Variants in UCHL1 observed in about 807,000 individuals in gnomAD.
The protein encoded by UCHL1 is ubiquitin C-terminal hydrolase L1.
A neutral mutation model predicts 33.3 loss-of-function variants in UCHL1; 5 were observed. The observed-to-expected ratio is 0.15, with a 90% CI of 0.08 to 0.32. The LOEUF is 0.32. Among genes scored for constraint, UCHL1 ranks in the 10% least tolerant of loss-of-function variants. UCHL1 has a pLI of 1.00. For synonymous variants in UCHL1, 132 were observed against 108.8 expected (o/e 1.21, Z -1.33); for missense variants, 236 against 280.0 (o/e 0.84, Z 1.12).
intron 8 of UCHL1, 148 bp from the exon 9 acceptor site, chr4:41,267,839 T>A: frequency 1.4e-6 from 1 of 726,348 alleles, no homozygotes; most frequent in Non-Finnish European, 2.4e-6. Flanking sequence ...CCTGATTTTT[T>A]GCTTTAAGCC....
At chr4:41,263,149 C>T (rs1781099983) in intron 6 of UCHL1, 76 bp from the exon 7 acceptor site, 1 of 1,142,266 alleles carries the variant, frequency 8.8e-7, no homozygotes, top group Admixed American at 1.7e-5. Context: ...AGTTCAAGCA[C>T]ATTTCACTTG....
At chr4:41,257,303 A>C in intron 2 of UCHL1, 177 bp downstream of exon 2, 1 of 1,122,202 alleles carries the variant, frequency 8.9e-7, no homozygotes, top group Non-Finnish European at 1.2e-6. Flanking sequence ...GGGTGACTCT[A>C]CGAAACCGGT....
In UCHL1 at chr4:41,260,652, G is replaced by C. The variant is rs762527925; in HGVS notation, c.180G>C (p.Glu60Asp). 6.2e-7 allele frequency: 1 copy of C among 1,614,218 alleles called. No homozygotes were observed. Among genetic ancestry groups the C allele is most frequent in the Non-Finnish European group, 8.5e-7 (1 of 1,180,048 alleles). ...LLLFPLTAQH[E>D]NFRKKQIEEL... Reference sequence around the variant, plus strand: ...AACGCTTTTTACATTCGCAGCATGAGAACTTCAGGAAAAAGCAGATTGAAG... The same window carrying C: ...AACGCTTTTTACATTCGCAGCATGACAACTTCAGGAAAAAGCAGATTGAAG... Residue 60 changes from glutamate (E) to aspartate (D), a missense_variant, in exon 4 of 9, where the codon GAG (glutamate) becomes GAC (aspartate). By Grantham distance (45) the Glu-to-Asp change is conservative. Coordinates refer to ENST00000284440, the MANE Select transcript of UCHL1 (RefSeq NM_004181.5).
rs1425440716 is a variant in UCHL1 at position 41,257,451 on chromosome 4, A to G, written c.46-158A>G. On this transcript the variant is annotated intron_variant, in intron 2 of 8. Coordinates refer to ENST00000284440, the MANE Select transcript of UCHL1 (RefSeq NM_004181.5). ...TGTGGGCCGCGCTTTGTGCTGTGTC[A>G]TTGCGCCGGCCCGGGTGGGGGTGGC... 18 of 1,085,628 alleles carry G rather than the reference A, an allele frequency of 1.7e-5. No individual in the cohort carries two copies. In the Admixed American group the frequency reaches 6.0e-4, roughly 36 times the overall value. 67.2% of individuals were successfully genotyped at this position (1,085,628 alleles called of 1,614,324 possible). A position where few individuals can be genotyped will look rare whatever the true frequency, so the allele number is the denominator to read the frequency against.
chr4:41,260,938 C>A, intron 4 of UCHL1, 141 bp downstream of exon 4: 1 of 1,247,604 alleles, frequency 8.0e-7, no homozygotes, highest in Non-Finnish European at 1.2e-6. Flanking sequence ...TAATCTGACT[C>A]ACAGTCCTCC....
Position 41,257,632 on chromosome 4 carries a change from C to G in UCHL1, c.69C>G (p.Ala23=). ...AGGTGCTGTCCCGGCTGGGGGTCGC[C>G]GGCCAGTGGCGCTTCGTGGACGTGC... The part of the protein sequence containing the change: ...LNKVLSRLGV[A]GQWRFVDVLG... Residue 23 remains alanine, a synonymous_variant, in exon 3 of 9, where the codon GCC becomes GCG. Coordinates refer to ENST00000284440, the MANE Select transcript of UCHL1 (RefSeq NM_004181.5). 6.4e-7 allele frequency: 1 copy of G among 1,556,868 alleles called. No individual in the cohort carries two copies. Among genetic ancestry groups the G allele is most frequent in the African/African-American group, 1.4e-5 (1 of 73,380 alleles).
rs1165650872 is a variant in UCHL1 at position 41,256,973 on chromosome 4, G to T, written c.-4G>T. 6.2e-7 allele frequency: 1 copy of T among 1,614,168 alleles called. No homozygotes were observed. Among genetic ancestry groups the T allele is most frequent in the South Asian group, 1.1e-5 (1 of 91,082 alleles). The stretch of plus-strand genomic sequence containing the variant: ...AGGCTATTTCTGCCGGGCGCTCCGC[G>T]AAGATGCAGCTCAAGCCGATGGAGA... On this transcript the variant is annotated 5_prime_UTR_variant, in exon 1 of 9. Coordinates refer to ENST00000284440, the MANE Select transcript of UCHL1 (RefSeq NM_004181.5).
chr4:41,258,727 C>G (rs1161906303), intron 3 of UCHL1, among the ~76,000 whole-genome samples: 1 of 152,198 alleles, frequency 6.6e-6, no homozygotes, highest in Non-Finnish European at 1.5e-5. Context: ...TAGCCAAAAT[C>G]AAGAGTATGG....
chr4:41,266,853 G>A (rs1291388593), intron 8 of UCHL1, among the ~76,000 whole-genome samples: 1 of 152,108 alleles, frequency 6.6e-6, no homozygotes, highest in Non-Finnish European at 1.5e-5. Flanking sequence ...GTCATCCGCT[G>A]CCTCAGCTTC....
chr4:41,260,913 ATGG>A, intron 4 of UCHL1, 116 bp downstream of exon 4: 3 of 1,440,520 alleles, frequency 2.1e-6, no homozygotes, highest in Non-Finnish European at 2.9e-6. Context: ...TTTTGTAATG[ATGG>A]TGTCAGACAC....
chr4:41,266,226 C>CGT (rs1554005212), intron 8 of UCHL1, among the ~76,000 whole-genome samples: 13,452 of 136,422 alleles, frequency 0.099, 936 homozygotes, highest in Non-Finnish European at 0.12. Flanking sequence ...CTGGCTAAAA[C>CGT]TTTTTTTTTT....
intron 2 of UCHL1, 47 bp from the exon 3 acceptor site, chr4:41,257,562 G>T: frequency 6.8e-7 from 1 of 1,460,404 alleles, no homozygotes; most frequent in Non-Finnish European, 9.0e-7. Flanking sequence ...AGGTGCCCGC[G>T]ACCCGCGTGT....
intron 6 of UCHL1, among the ~76,000 whole-genome samples, chr4:41,262,890 G>A (rs1188837183): frequency 6.6e-6 from 1 of 152,084 alleles, no homozygotes; most frequent in East Asian, 1.9e-4. Flanking sequence ...TTGCAGGTGT[G>A]AGCCACCGTG....
At chr4:41,258,321 T>C (rs1781016726) in intron 3 of UCHL1, among the ~76,000 whole-genome samples, 1 of 152,242 alleles carries the variant, frequency 6.6e-6, no homozygotes, top group Non-Finnish European at 1.5e-5. Context: ...TTAATCATTT[T>C]GTGTATGGTT....
chr4:41,258,120 C>T (rs934824393), intron 3 of UCHL1, among the ~76,000 whole-genome samples: 2 of 152,282 alleles, frequency 1.3e-5, no homozygotes, highest in South Asian at 4.1e-4. Flanking sequence ...TCATTGTTTG[C>T]TTCTCAGACT....
In UCHL1 at chr4:41,263,248, T is replaced by C. The variant is rs1472862947; in HGVS notation, c.483T>C (p.His161=). The part of the protein sequence containing the change: ...QCRVDDKVNF[H]FILFNNVDGH... ...AGGTAGATGACAAGGTGAATTTCCA[T>C]TTTATTCTGTTTAACAACGTGGATG... is the stretch of plus-strand genomic sequence containing the variant. The change falls in exon 7 of 9, where the codon CAT becomes CAC. Residue 161 remains histidine (H), a synonymous_variant. Transcript: ENST00000284440. 1.9e-6 allele frequency: 3 copies of C among 1,614,134 alleles called. No homozygotes were observed. In the Admixed American group the frequency reaches 5.0e-5, roughly 27 times the overall value.
chr4:41,260,840 G>C (rs1781058501), intron 4 of UCHL1, 43 bp downstream of exon 4: 7 of 1,613,734 alleles, frequency 4.3e-6, no homozygotes, highest in Non-Finnish European at 4.2e-6. Flanking sequence ...GCTTGAACTT[G>C]AAACATGGAG....
rs1382271843 is a variant in UCHL1, at chr4:41,268,206, C to G, written c.*133C>G. The G allele has an allele frequency of 3.5e-6, 3 of 854,702 alleles. No homozygotes were observed. Among genetic ancestry groups the G allele is most frequent in the Non-Finnish European group, 5.7e-6 (3 of 526,232 alleles). 52.9% of individuals were successfully genotyped at this position (854,702 alleles called of 1,614,324 possible). On this transcript the variant is annotated 3_prime_UTR_variant, in exon 9 of 9. Coordinates refer to ENST00000284440, the MANE Select transcript of UCHL1 (RefSeq NM_004181.5). Reference sequence around the variant, plus strand: ...CTTCTGTTCTGCAGACACGCCTTCCCCTCAGCCACACCCAGGCACTTAAGC... The same window carrying G: ...CTTCTGTTCTGCAGACACGCCTTCCGCTCAGCCACACCCAGGCACTTAAGC...
At chr4:41,260,270 A>T (rs1781049678) in intron 3 of UCHL1, among the ~76,000 whole-genome samples, 1 of 152,218 alleles carries the variant, frequency 6.6e-6, no homozygotes, top group Non-Finnish European at 1.5e-5. Context: ...TTGATTTAGG[A>T]TGCCTATGTG....
Sources: gnomAD v4.1 joint callset for allele counts (sites outside exome capture counted in the v4.1 genomes callset) on GRCh38, gnomAD v4.1.1 for gene constraint, MANE v1.5 for transcripts, NCBI Gene and HGNC (gene_info 2026-07-23, HGNC 2026-07-21) for gene names.